WDR70: variants seen among roughly 807,000 people sequenced by gnomAD.
WDR70 encodes WD repeat domain 70, also known as WD repeat-containing protein 70.
In WDR70, 53 loss-of-function variants were observed where a neutral mutation model predicts 88.6. The observed-to-expected ratio is 0.60, with a 90% CI of 0.48 to 0.75. The LOEUF (loss-of-function observed/expected upper bound fraction) is 0.75. Ranked by LOEUF, WDR70 falls within the 30% of genes least tolerant of loss-of-function variation. The probability of loss-of-function intolerance (pLI) is 0.00; values close to 1 mark genes in which losing one functional copy is unlikely to be tolerated. For synonymous variants in WDR70, 280 were observed against 270.0 expected (o/e 1.04, Z -0.36); for missense variants, 610 against 823.2 (o/e 0.74, Z 3.17).
At chr5:37,478,202 T>A (rs899839002) in intron 7 of WDR70, among the ~76,000 whole-genome samples, 4 of 152,250 alleles carry the variant, frequency 2.6e-5, no homozygotes, top group Admixed American at 2.0e-4. Flanking sequence ...TTGCATCGAC[T>A]GCTCTTAGCA....
intron 8 of WDR70, among the ~76,000 whole-genome samples, chr5:37,497,107 T>G (rs578002972): frequency 7.2e-5 from 11 of 152,134 alleles, no homozygotes; most frequent in Non-Finnish European, 1.5e-4. Flanking sequence ...CCCTGTTAAC[T>G]GCTAGTCACT....
At chr5:37,434,194 T>A (rs1472477909) in intron 5 of WDR70, among the ~76,000 whole-genome samples, 2 of 152,116 alleles carry the variant, frequency 1.3e-5, no homozygotes, top group Non-Finnish European at 2.9e-5. Flanking sequence ...CAAATGCTTA[T>A]AAAAAACCAT....
At chr5:37,448,890 C>T (rs1738578045) in intron 7 of WDR70, among the ~76,000 whole-genome samples, 3 of 152,186 alleles carry the variant, frequency 2.0e-5, no homozygotes, top group Admixed American at 6.5e-5. Context: ...GAATGTCTCT[C>T]AATTTGCTTT....
chr5:37,726,813 G>A (rs1747982701), intron 16 of WDR70, 70 bp from the exon 17 acceptor site: 1 of 1,448,508 alleles, frequency 6.9e-7, no homozygotes, highest in Non-Finnish European at 9.3e-7. Context: ...TAAGTACAGT[G>A]TACACAGATA....
chr5:37,701,612 A>T (rs966429297), intron 12 of WDR70, among the ~76,000 whole-genome samples: 6 of 152,018 alleles, frequency 3.9e-5, no homozygotes, highest in Non-Finnish European at 8.8e-5. Context: ...ACAACGGTGA[A>T]ACCCCGTCTC....
chr5:37,676,403 C>T lies in WDR70; in HGVS notation c.1093-21252C>T, dbSNP rs544879671. On this transcript the variant is annotated intron_variant, in intron 10 of 17. Coordinates refer to ENST00000265107, the MANE Select transcript of WDR70 (RefSeq NM_018034.4). The stretch of plus-strand genomic sequence containing the variant: ...AGATAGCTCTTATTATTTTGAAATA[C>T]GTCCCATAAATACCTAATTTCTTGA... Among the ~76,000 whole-genome samples, 197 of 152,100 alleles carry T rather than the reference C, an allele frequency of 1.3e-3. 2 individuals carry two copies. The South Asian group carries it at 0.032, about 25-fold the overall frequency.
Position 37,749,887 on chromosome 5 carries a change from C to A in WDR70, c.1878-2599C>A, listed in dbSNP as rs1016519011. On this transcript the variant is annotated intron_variant, in intron 17 of 17. Coordinates refer to ENST00000265107, the MANE Select transcript of WDR70 (RefSeq NM_018034.4). ...TGAAAAACAAATATTTGTCCTTTTT[C>A]TTTTCTCATGGCTGCTAGGAAATTC... Among the ~76,000 whole-genome samples the A allele has an allele frequency of 6.7e-5, 10 of 148,580 alleles. No homozygotes were observed. In the East Asian group the frequency reaches 2.0e-3, roughly 29 times the overall value.
At chr5:37,506,074 A>T in intron 8 of WDR70, 3 of 1,298,512 alleles carry the variant, frequency 2.3e-6, no homozygotes, top group Non-Finnish European at 3.4e-6. Context: ...AGATCACCTC[A>T]TTCAAGATTT....
chr5:37,415,856 T>A (rs1244530631), intron 5 of WDR70, among the ~76,000 whole-genome samples: 1 of 139,018 alleles, frequency 7.2e-6, no homozygotes, highest in Non-Finnish European at 1.5e-5. Flanking sequence ...GCAGAGGCGC[T>A]CCTCACATCC....
chr5:37,666,610 C>T (rs1011153756), intron 10 of WDR70, among the ~76,000 whole-genome samples: 13 of 152,140 alleles, frequency 8.5e-5, no homozygotes, highest in Non-Finnish European at 1.8e-4. Flanking sequence ...ATTCAGATTC[C>T]GTTGGTGGTT....
chr5:37,495,108 G>C (rs1042691237), intron 8 of WDR70, among the ~76,000 whole-genome samples: 1 of 152,240 alleles, frequency 6.6e-6, no homozygotes, highest in African/African-American at 2.4e-5. Flanking sequence ...AATGTGTGCA[G>C]ATTCCTGAAT....
intron 13 of WDR70, among the ~76,000 whole-genome samples, chr5:37,706,925 GT>G (rs1747345233): frequency 6.6e-6 from 1 of 151,824 alleles, no homozygotes; most frequent in African/African-American, 2.4e-5. Context: ...TATGTATTAT[GT>G]AAAGGGCTTC....
chr5:37,592,197 A>G (rs1743549006), intron 9 of WDR70, among the ~76,000 whole-genome samples: 1 of 152,210 alleles, frequency 6.6e-6, no homozygotes, highest in Non-Finnish European at 1.5e-5. Context: ...AAATTCATTT[A>G]TGTTTCGTAA....
At chr5:37,499,951 T>A (rs867598606) in intron 8 of WDR70, among the ~76,000 whole-genome samples, 15 of 152,220 alleles carry the variant, frequency 9.9e-5, no homozygotes, top group African/African-American at 3.1e-4. Context: ...AAAATATTTT[T>A]AAAAATTTCA....
At chr5:37,677,108 A>G (rs1351652830) in intron 10 of WDR70, among the ~76,000 whole-genome samples, 1 of 151,784 alleles carries the variant, frequency 6.6e-6, no homozygotes, top group Non-Finnish European at 1.5e-5. Flanking sequence ...TATTGCATCT[A>G]TTTGATTCTT....
intron 7 of WDR70, among the ~76,000 whole-genome samples, chr5:37,475,843 A>ATT (rs35126157): frequency 0.019 from 2,300 of 120,516 alleles, 71 homozygotes; most frequent in African/African-American, 0.037. Flanking sequence ...TGCATTACAT[A>ATT]TTTTTTTTTT....
intron 9 of WDR70, among the ~76,000 whole-genome samples, chr5:37,550,985 C>G (rs894659039): frequency 6.6e-6 from 1 of 151,986 alleles, no homozygotes; most frequent in African/African-American, 2.4e-5. Context: ...TTTGCATAAA[C>G]AAATCAACAA....
chr5:37,524,433 G>C (rs531958546), intron 9 of WDR70, among the ~76,000 whole-genome samples: 81 of 152,228 alleles, frequency 5.3e-4, no homozygotes, highest in East Asian at 3.1e-3. Context: ...CAAATGCTGA[G>C]AGATTTTGTC....
At chr5:37,585,408 G>A (rs886140306) in intron 9 of WDR70, among the ~76,000 whole-genome samples, 2 of 152,186 alleles carry the variant, frequency 1.3e-5, no homozygotes, top group African/African-American at 4.8e-5. Context: ...TGGATTCATT[G>A]TGTGTTTCCC....
Sources: gnomAD v4.1 joint callset for allele counts (sites outside exome capture counted in the v4.1 genomes callset) on GRCh38, gnomAD v4.1.1 for gene constraint, MANE v1.5 for transcripts, NCBI Gene and HGNC (gene_info 2026-07-23, HGNC 2026-07-21) for gene names.